Variants in ACER2 observed in about 807,000 individuals in gnomAD.
ACER2 encodes alkCDase 2.
A neutral mutation model predicts 34.7 loss-of-function variants in ACER2; 26 were observed. The ratio of observed to expected loss-of-function variants is 0.75; its 90% CI spans 0.55 to 1.04. The LOEUF (loss-of-function observed/expected upper bound fraction) is 1.04. Among genes scored for constraint, ACER2 ranks in the 50% least tolerant of loss-of-function variants. The probability of loss-of-function intolerance (pLI) is 0.00; values close to 1 mark genes in which losing one functional copy is unlikely to be tolerated. For synonymous variants in ACER2, 138 were observed against 132.1 expected, an observed-to-expected ratio of 1.04 and a Z score of -0.31; for missense variants, 352 against 340.8, an observed-to-expected ratio of 1.03 and a Z score of -0.26.
At chr9:19,432,297 T>A (rs1251869253) in intron 3 of ACER2, among the ~76,000 whole-genome samples, 1 of 152,232 alleles carries the variant, frequency 6.6e-6, no homozygotes, top group East Asian at 1.9e-4. Context: ...TTGGGTGTGC[T>A]AGACATGTAG....
intron 3 of ACER2, among the ~76,000 whole-genome samples, chr9:19,427,415 C>A (rs1221110595): frequency 1.3e-5 from 2 of 152,096 alleles, no homozygotes; most frequent in Non-Finnish European, 2.9e-5. Context: ...TTCCAGTGAC[C>A]AGGGAGGGCA....
chr9:19,419,399 A>G (rs776371517), intron 1 of ACER2, among the ~76,000 whole-genome samples: 4 of 152,142 alleles, frequency 2.6e-5, no homozygotes, highest in Non-Finnish European at 5.9e-5. Context: ...CAACTTGTCC[A>G]TATTCTTACC....
chr9:19,420,874 G>A (rs1460755372), intron 1 of ACER2, among the ~76,000 whole-genome samples: 1 of 152,086 alleles, frequency 6.6e-6, no homozygotes, highest in Non-Finnish European at 1.5e-5. Context: ...TGTTAGAAGA[G>A]CGCTAATCCA....
intron 1 of ACER2, among the ~76,000 whole-genome samples, chr9:19,413,940 T>C (rs948703631): frequency 2.0e-5 from 3 of 152,196 alleles, no homozygotes; most frequent in African/African-American, 7.2e-5. Context: ...AACAACTGTG[T>C]GCTTATTCCA....
chr9:19,409,401 C>T, intron 1 of ACER2, among the ~76,000 whole-genome samples: 1 of 152,218 alleles, frequency 6.6e-6, no homozygotes. Context: ...CAGCTGGGCT[C>T]ATCTTCCTCC....
At chr9:19,450,088 G>C in intron 5 of ACER2, 2 of 570,380 alleles carry the variant, frequency 3.5e-6, no homozygotes, top group Non-Finnish European at 4.4e-6. Context: ...AGTTGTTAAA[G>C]TGAGAAGGTG....
At chr9:19,446,529 C>T in intron 5 of ACER2, 111 bp downstream of exon 5, 3 of 1,560,276 alleles carry the variant, frequency 1.9e-6, no homozygotes, top group Non-Finnish European at 2.6e-6. Context: ...TGCTGGCTTG[C>T]TTCTCTCCTC....
chr9:19,440,901 A>G (rs1489524348), intron 4 of ACER2, among the ~76,000 whole-genome samples: 2 of 152,154 alleles, frequency 1.3e-5, no homozygotes, highest in Non-Finnish European at 2.9e-5. Context: ...CAGATTCCTG[A>G]TCTGCCTTTT....
chr9:19,409,245 C>A, intron 1 of ACER2, 53 bp downstream of exon 1: 4 of 1,516,200 alleles, frequency 2.6e-6, no homozygotes, highest in South Asian at 1.2e-5. Flanking sequence ...GGGGGCTGTT[C>A]CCGCGCCGCA....
At chr9:19,409,966 G>A (rs956016989) in intron 1 of ACER2, 1 of 983,346 alleles carries the variant, frequency 1.0e-6, no homozygotes, top group Non-Finnish European at 1.2e-6. Flanking sequence ...TTGTGGTAGG[G>A]AAGGGTTGCA....
chr9:19,424,379 A>G, intron 2 of ACER2: 4 of 985,386 alleles, frequency 4.1e-6, no homozygotes, highest in Non-Finnish European at 3.6e-6. Context: ...GCAGCCTGGG[A>G]ATTCTTAACA....
intron 3 of ACER2, among the ~76,000 whole-genome samples, chr9:19,426,260 C>CTCTTTCTTTCTTTATCTT (rs1830559082): frequency 6.7e-6 from 1 of 148,766 alleles, no homozygotes; most frequent in Admixed American, 6.7e-5. Flanking sequence ...ACACATTAAT[C>CTCTTTCTTTCTTTATCTT]TCTTTCTTTC....
At chr9:19,435,182 AT>A (rs1244617119) in intron 4 of ACER2, 98 bp downstream of exon 4, 6 of 1,433,538 alleles carry the variant, frequency 4.2e-6, no homozygotes, top group Non-Finnish European at 5.6e-6. Context: ...GAGGAGTTTT[AT>A]TCCTTGTGAA....
At chr9:19,415,256 T>C (rs556804714) in intron 1 of ACER2, among the ~76,000 whole-genome samples, 2 of 152,248 alleles carry the variant, frequency 1.3e-5, no homozygotes, top group Admixed American at 1.3e-4. Flanking sequence ...TTTGGGAGGC[T>C]GAGGTGGGCT....
intron 3 of ACER2, among the ~76,000 whole-genome samples, chr9:19,433,777 C>T (rs1180334816): frequency 4.1e-5 from 6 of 145,842 alleles, no homozygotes; most frequent in African/African-American, 2.6e-5. Context: ...GCTGGCCGGG[C>T]GGGGGGCTGA....
chr9:19,433,344 G>A (rs1427930804), intron 3 of ACER2, among the ~76,000 whole-genome samples: 1 of 151,898 alleles, frequency 6.6e-6, no homozygotes, highest in African/African-American at 2.4e-5. Context: ...AGATTAGGGA[G>A]TGGTGATGAC....
rs80193149 is a variant in ACER2, at chr9:19,444,943, C to T, written c.504-1338C>T. 2.2e-4 allele frequency among the ~76,000 whole-genome samples: 33 copies of T among 152,328 alleles called. 1 individual carries two copies. The East Asian group carries it at 5.8e-3, about 27-fold the overall frequency. On this transcript the variant is annotated intron_variant, in intron 4 of 5. Coordinates refer to ENST00000340967, the MANE Select transcript of ACER2 (RefSeq NM_001010887.3). The stretch of plus-strand genomic sequence containing the variant: ...AACAGGTCTTTCTGAACCTGTCCCA[C>T]TTTTATTGATGCTTTCGCTGATGTT...
chr9:19,433,313 G>C (rs10811182), intron 3 of ACER2, among the ~76,000 whole-genome samples: 1 of 151,708 alleles, frequency 6.6e-6, no homozygotes, highest in East Asian at 1.9e-4. Context: ...CTTCCGCAGC[G>C]TTTGGGTCCC....
chr9:19,421,553 A>G (rs1563875676), intron 1 of ACER2, among the ~76,000 whole-genome samples: 1 of 152,218 alleles, frequency 6.6e-6, no homozygotes, highest in Non-Finnish European at 1.5e-5. Context: ...AGATAAAATC[A>G]TAAAGACAAA....
Sources: gnomAD v4.1 joint callset for allele counts (sites outside exome capture counted in the v4.1 genomes callset) on GRCh38, gnomAD v4.1.1 for gene constraint, MANE v1.5 for transcripts, NCBI Gene and HGNC (gene_info 2026-07-23, HGNC 2026-07-21) for gene names.